Variants in COL11A1 observed in about 807,000 individuals in gnomAD.
The protein encoded by COL11A1 is collagen type XI alpha 1 chain, also known as collagen alpha-1(XI) chain.
COL11A1 carries 74 observed loss-of-function variants against 265.2 expected under a neutral mutation model. That is an observed-to-expected ratio of 0.28 (90% confidence interval 0.23 to 0.34). The LOEUF is 0.34. COL11A1 is among the 10% of genes least tolerant of loss of function. The pLI, the probability that COL11A1 is intolerant of heterozygous loss-of-function variation, is 1.00. For missense variants in COL11A1, 2,165 were observed against 2,263.6 expected, an observed-to-expected ratio of 0.96 and a Z score of 0.88; for synonymous variants, 816 against 727.6, an observed-to-expected ratio of 1.12 and a Z score of -1.96.
At position 102,881,690 on chromosome 1, in the gene COL11A1, A is replaced by T; in HGVS notation, c.5040+7T>A. On this transcript the variant is annotated splice_region_variant and intron_variant, in intron 65 of 66. Transcript: ENST00000370096. ...AAAAATCGTTTCATGTTGAGGTAAT[A>T]ACATACCAGTTTTCCCCTCTTAAAT... is the stretch of plus-strand genomic sequence containing the variant. 11 of 1,608,496 alleles carry T rather than the reference A, an allele frequency of 6.8e-6. No individual in the cohort carries two copies. Among genetic ancestry groups the T allele is most frequent in the Non-Finnish European group, 9.4e-6 (11 of 1,175,498 alleles).
chr1:102,914,409 G>T lies in COL11A1; in HGVS notation c.3925-4C>A, dbSNP rs1655061853. 2 of 1,603,404 alleles carry T rather than the reference G, an allele frequency of 1.2e-6. No individual in the cohort carries two copies. The highest frequency in any genetic ancestry group is 2.3e-5 in the South Asian group (2 of 88,486). ...CTCCAGGAAAACCAACAGGACCCTA[G>T]AATGACGTTTTGAAAGAAAAAGAAA... On this transcript the variant is annotated splice_polypyrimidine_tract_variant and splice_region_variant and intron_variant, in intron 51 of 66. Coordinates refer to ENST00000370096, the MANE Select transcript of COL11A1 (RefSeq NM_001854.4).
At chr1:102,935,211 G>T in intron 44 of COL11A1, 98 bp from the exon 45 acceptor site, 1 of 900,802 alleles carries the variant, frequency 1.1e-6, no homozygotes, top group Non-Finnish European at 1.8e-6. Context: ...AAACACTTCT[G>T]CACTCCTTTG....
At chr1:102,987,258 A>ATG (rs1663660279) in intron 30 of COL11A1, among the ~76,000 whole-genome samples, 1 of 151,572 alleles carries the variant, frequency 6.6e-6, no homozygotes, top group South Asian at 2.1e-4. Flanking sequence ...TGTAGGATAT[A>ATG]TATATATATG....
At chr1:102,972,465 T>C (rs1188224430) in intron 36 of COL11A1, among the ~76,000 whole-genome samples, 1 of 152,142 alleles carries the variant, frequency 6.6e-6, no homozygotes, top group Non-Finnish European at 1.5e-5. Context: ...GGAGTAGTGT[T>C]AATATACTGC....
intron 48 of COL11A1, 25 bp from the exon 49 acceptor site, chr1:102,920,389 A>T: frequency 6.3e-7 from 1 of 1,597,988 alleles, no homozygotes; most frequent in Non-Finnish European, 8.6e-7. Flanking sequence ...AAGGAATGTA[A>T]TTATCCATAT....
chr1:102,918,976 T>C (rs557777225), intron 49 of COL11A1, among the ~76,000 whole-genome samples: 10 of 152,092 alleles, frequency 6.6e-5, no homozygotes, highest in Admixed American at 5.2e-4. Flanking sequence ...CCCACAACAA[T>C]TGAGTCAGCA....
intron 1 of COL11A1, among the ~76,000 whole-genome samples, chr1:103,086,682 C>T (rs1457637576): frequency 6.6e-6 from 1 of 152,136 alleles, no homozygotes; most frequent in African/African-American, 2.4e-5. Flanking sequence ...TCCCAAAGTG[C>T]TGGGATTACA....
Position 103,026,283 on chromosome 1 carries a change from T to C in COL11A1, c.830A>G (p.Glu277Gly). 1 of 1,613,790 alleles carries C rather than the reference T, an allele frequency of 6.2e-7. No homozygotes were observed. Among genetic ancestry groups the C allele is most frequent in the East Asian group, 2.2e-5 (1 of 44,868 alleles). ...TGTTACACTTTCAGCCTCTTTATAC[T>C]CTGCTTCCCCATACTCATAGTCATA... ...IEYDYEYGEA[E>G]YKEAESVTEG... Residue 277 changes from glutamate to glycine, a missense_variant, in exon 6 of 67, where the codon GAG becomes GGG. Glu to Gly is a moderately conservative substitution (Grantham distance 98). Coordinates refer to ENST00000370096, the MANE Select transcript of COL11A1 (RefSeq NM_001854.4).
chr1:103,036,485 A>G (rs1027171431), intron 4 of COL11A1, among the ~76,000 whole-genome samples: 28 of 150,562 alleles, frequency 1.9e-4, no homozygotes, highest in Admixed American at 9.3e-4. Context: ...TATTCTATTT[A>G]CAGTCCTAAC....
intron 36 of COL11A1, among the ~76,000 whole-genome samples, chr1:102,974,388 A>G (rs1476506894): frequency 6.6e-6 from 1 of 152,170 alleles, no homozygotes; most frequent in Admixed American, 6.5e-5. Context: ...GACAGATATA[A>G]TATTAATATA....
At chr1:103,011,954 C>G (rs759462008) in intron 14 of COL11A1, among the ~76,000 whole-genome samples, 1 of 152,114 alleles carries the variant, frequency 6.6e-6, no homozygotes. Flanking sequence ...ATAGTTGAAG[C>G]ACCTTGTGGA....
intron 1 of COL11A1, among the ~76,000 whole-genome samples, chr1:103,089,673 A>G (rs895895689): frequency 6.6e-6 from 1 of 152,230 alleles, no homozygotes; most frequent in Non-Finnish European, 1.5e-5. Context: ...GAAATGTTTA[A>G]TGGATGAATA....
chr1:102,908,261 A>G (rs1654232249), intron 54 of COL11A1, among the ~76,000 whole-genome samples: 1 of 152,110 alleles, frequency 6.6e-6, no homozygotes, highest in Non-Finnish European at 1.5e-5. Flanking sequence ...TTTGTAAGAA[A>G]TACTTAGATA....
intron 4 of COL11A1, among the ~76,000 whole-genome samples, chr1:103,068,795 A>T (rs1558020800): frequency 6.6e-6 from 1 of 151,472 alleles, no homozygotes; most frequent in Non-Finnish European, 1.5e-5. Context: ...AAAATATTCA[A>T]ATATGACATT....
rs114419904 is a variant in COL11A1, at chr1:103,061,972, A to T, written c.651+12646T>A. ...AAGCCAACTAAGTAAGAGATAAGTT[A>T]CAAATTATTATTGGCAGGAAAAAGA... is the stretch of plus-strand genomic sequence containing the variant. On this transcript the variant is annotated intron_variant, in intron 4 of 66. Coordinates refer to ENST00000370096, the MANE Select transcript of COL11A1 (RefSeq NM_001854.4). 6.8e-3 allele frequency among the ~76,000 whole-genome samples: 1,028 copies of T among 152,072 alleles called. 12 individuals carry two copies. The highest frequency in any genetic ancestry group is 0.023 in the African/African-American group (976 of 41,550).
chr1:102,985,538 A>G (rs1031754925), intron 30 of COL11A1, among the ~76,000 whole-genome samples: 1 of 152,098 alleles, frequency 6.6e-6, no homozygotes, highest in Non-Finnish European at 1.5e-5. Flanking sequence ...ATCACAAGCT[A>G]TTTGTTTTCT....
intron 2 of COL11A1, among the ~76,000 whole-genome samples, chr1:103,079,907 G>A (rs1019063912): frequency 1.3e-5 from 2 of 151,832 alleles, no homozygotes; most frequent in Non-Finnish European, 2.9e-5. Flanking sequence ...ATTATGTCTG[G>A]CTTGGATTCA....
chr1:102,906,709 AT>A (rs148059417), intron 54 of COL11A1, among the ~76,000 whole-genome samples: 13,849 of 147,896 alleles, frequency 0.094, 728 homozygotes, highest in Middle Eastern at 0.13. Context: ...CTGTGTTTCC[AT>A]TTTTTTTTTC....
rs1008861527 is a variant in COL11A1, at chr1:102,877,882, G to A, written c.*137C>T. The A allele has an allele frequency of 6.3e-5, 51 of 806,152 alleles. No homozygotes were observed. Among genetic ancestry groups the A allele is most frequent in the African/African-American group, 3.1e-4 (18 of 58,776 alleles). 49.9% of individuals were successfully genotyped at this position (806,152 alleles called of 1,614,324 possible). A position where few individuals can be genotyped will look rare whatever the true frequency, so the allele number is the denominator to read the frequency against. On this transcript the variant is annotated 3_prime_UTR_variant, in exon 67 of 67. Transcript: ENST00000370096. Reference sequence around the variant, plus strand: ...GTGATTCTGCCCCCACAAAGGCATCGGTATTTCCTAAATGGTACCTGTATA... The same window carrying A: ...GTGATTCTGCCCCCACAAAGGCATCAGTATTTCCTAAATGGTACCTGTATA...
Sources: allele counts gnomAD v4.1 joint callset (sites outside exome capture counted in the v4.1 genomes callset), GRCh38; gene constraint gnomAD v4.1.1; transcripts MANE v1.5; gene names NCBI Gene and HGNC (gene_info 2026-07-23, HGNC 2026-07-21).